Variants in MYO16 observed in about 807,000 individuals in gnomAD.
MYO16 encodes myosin XVI, also known as unconventional myosin-XVI.
Under a neutral mutation model 205.3 loss-of-function variants are expected in MYO16, and 94 were observed. That is an observed-to-expected ratio of 0.46 (90% CI 0.39 to 0.54). MYO16 has a LOEUF of 0.54. Among genes scored for constraint, MYO16 ranks in the 20% least tolerant of loss-of-function variants. The pLI is 0.00. For synonymous variants in MYO16, 988 were observed against 954.0 expected (o/e 1.04, Z -0.66); for missense variants, 2,315 against 2,387.5 (o/e 0.97, Z 0.63).
At chr13:108,733,274 C>A (rs1057459227) in intron 4 of MYO16, among the ~76,000 whole-genome samples, 1 of 152,208 alleles carries the variant, frequency 6.6e-6, no homozygotes, top group African/African-American at 2.4e-5. Context: ...TAACAATTAA[C>A]TTTTATGCAG....
chr13:109,039,731 C>T (rs181236512), intron 23 of MYO16, among the ~76,000 whole-genome samples: 11 of 152,134 alleles, frequency 7.2e-5, no homozygotes, highest in East Asian at 3.9e-4. Context: ...TCACTAAATG[C>T]GTACGTTAGA....
At chr13:108,519,646 C>T in the MYO16 span, among the ~76,000 whole-genome samples, 3 of 147,574 alleles carry the variant, frequency 2.0e-5, no homozygotes, top group African/African-American at 7.6e-5. Flanking sequence ...CACACACACA[C>T]ACCCACACAC....
chr13:108,830,635 A>T (rs1307889405), intron 9 of MYO16, among the ~76,000 whole-genome samples: 1 of 146,686 alleles, frequency 6.8e-6, no homozygotes, highest in African/African-American at 2.5e-5. Flanking sequence ...GGGGAGGGAT[A>T]GTATTGGGAG....
intron 1 of MYO16, among the ~76,000 whole-genome samples, chr13:108,661,093 G>A (rs111301864): frequency 0.077 from 11,744 of 152,150 alleles, 506 homozygotes; most frequent in South Asian, 0.18. Flanking sequence ...TTTTGCTTGA[G>A]GAGGCTGAAG....
At chr13:108,739,766 G>T (rs1049157106) in intron 4 of MYO16, among the ~76,000 whole-genome samples, 7 of 152,158 alleles carry the variant, frequency 4.6e-5, no homozygotes, top group African/African-American at 1.4e-4. Context: ...ATCACTTTCA[G>T]GTACACCAGT....
intron 1 of MYO16, among the ~76,000 whole-genome samples, chr13:108,652,654 T>C (rs1881063546): frequency 2.0e-5 from 3 of 152,204 alleles, no homozygotes; most frequent in Admixed American, 2.0e-4. Flanking sequence ...TCCTACAGTA[T>C]TTATCTTTTA....
At chr13:108,730,550 T>C (rs1428771981) in intron 4 of MYO16, among the ~76,000 whole-genome samples, 1 of 152,174 alleles carries the variant, frequency 6.6e-6, no homozygotes, top group Non-Finnish European at 1.5e-5. Flanking sequence ...TCAGGACTGG[T>C]ATCTGGCGTA....
chr13:109,193,638 T>G (rs1320967904), intron 34 of MYO16, among the ~76,000 whole-genome samples: 1 of 152,202 alleles, frequency 6.6e-6, no homozygotes, highest in Non-Finnish European at 1.5e-5. Context: ...ATTAAGACAC[T>G]GGCTAATGTA....
At chr13:108,622,981 G>A (rs1382222822) in intron 1 of MYO16, among the ~76,000 whole-genome samples, 1 of 151,820 alleles carries the variant, frequency 6.6e-6, no homozygotes, top group African/African-American at 2.4e-5. Flanking sequence ...GAGAAAGAGT[G>A]AGAGAGAGAA....
At chr13:109,111,303 A>T (rs1182383882) in intron 28 of MYO16, among the ~76,000 whole-genome samples, 3 of 152,224 alleles carry the variant, frequency 2.0e-5, no homozygotes, top group East Asian at 3.9e-4. Context: ...GAAGGAAAGC[A>T]AATCTGAGGG....
At chr13:108,598,287 T>C (rs56770087) in intron 1 of MYO16, among the ~76,000 whole-genome samples, 45,202 of 152,008 alleles carry the variant, frequency 0.3, 6,969 homozygotes, top group East Asian at 0.45. Context: ...TGGCTTTCCA[T>C]AAATAAACAT....
chr13:108,551,940 C>T, the MYO16 span, among the ~76,000 whole-genome samples: 1 of 152,154 alleles, frequency 6.6e-6, no homozygotes, highest in African/African-American at 2.4e-5. Context: ...ATGAGTCACT[C>T]TATCCACTAA....
chr13:108,952,152 A>G (rs1883179797), intron 16 of MYO16, among the ~76,000 whole-genome samples: 2 of 145,392 alleles, frequency 1.4e-5, no homozygotes, highest in Admixed American at 1.4e-4. Flanking sequence ...TAAATAAATA[A>G]ATAAATAAAA....
chr13:108,950,064 T>C (rs1048119510), intron 16 of MYO16, among the ~76,000 whole-genome samples: 2 of 150,856 alleles, frequency 1.3e-5, no homozygotes, highest in Admixed American at 1.3e-4. Context: ...GAGACCTAAA[T>C]GTAAAGCATA....
chr13:108,915,258 A>T (rs1463799741), intron 16 of MYO16, among the ~76,000 whole-genome samples: 2 of 152,218 alleles, frequency 1.3e-5, no homozygotes, highest in African/African-American at 4.8e-5. Flanking sequence ...CAAGAAAAAA[A>T]GTCTGTAGGT....
In MYO16 at chr13:108,869,048, C is replaced by T. The variant is rs141427170; in HGVS notation, c.1425+2806C>T. ...TCTGTTAAAATACATTTTTATGCCT[C>T]GTACTCTTAAGTCATCCACCTTTGG... On this transcript the variant is annotated intron_variant, in intron 12 of 34. Coordinates refer to ENST00000457511, the MANE Select transcript of MYO16 (RefSeq NM_001198950.3). Among the ~76,000 whole-genome samples the T allele has an allele frequency of 9.5e-3, 1,444 of 152,196 alleles. 15 individuals are homozygous for T. Among genetic ancestry groups the T allele is most frequent in the Non-Finnish European group, 0.013 (880 of 68,024 alleles).
At chr13:109,155,196 T>A (rs1387395770) in intron 32 of MYO16, among the ~76,000 whole-genome samples, 1 of 152,210 alleles carries the variant, frequency 6.6e-6, no homozygotes, top group Non-Finnish European at 1.5e-5. Flanking sequence ...CTTCAGTTGG[T>A]GTTTTCTAGC....
chr13:108,636,240 A>C (rs534230835), intron 1 of MYO16, among the ~76,000 whole-genome samples: 27 of 152,224 alleles, frequency 1.8e-4, no homozygotes, highest in African/African-American at 5.3e-4. Flanking sequence ...GATAAGGTAA[A>C]TCTCTCCTGA....
At chr13:108,753,722 A>C (rs2139642193) in intron 4 of MYO16, among the ~76,000 whole-genome samples, 1 of 152,336 alleles carries the variant, frequency 6.6e-6, no homozygotes, top group Non-Finnish European at 1.5e-5. Flanking sequence ...CATTTCTAAA[A>C]ATAAATTCTT....
Sources: gnomAD v4.1 joint callset for allele counts (sites outside exome capture counted in the v4.1 genomes callset) on GRCh38, gnomAD v4.1.1 for gene constraint, MANE v1.5 for transcripts, NCBI Gene and HGNC (gene_info 2026-07-23, HGNC 2026-07-21) for gene names.